Variants in VPS54 observed in about 807,000 individuals in gnomAD.
The protein encoded by VPS54 is vacuolar protein sorting-associated protein 54.
VPS54 carries 45 observed loss-of-function variants against 121.5 expected under a neutral mutation model. That is an observed-to-expected ratio of 0.37 (90% CI 0.29 to 0.47). VPS54 has a LOEUF of 0.47. Among genes scored for constraint, VPS54 ranks in the 20% least tolerant of loss-of-function variants. The probability of loss-of-function intolerance (pLI) is 0.99; values close to 1 mark genes in which losing one functional copy is unlikely to be tolerated. For missense variants in VPS54, 1,090 were observed against 1,131.4 expected, an observed-to-expected ratio of 0.96 and a Z score of 0.52; for synonymous variants, 371 against 385.8, an observed-to-expected ratio of 0.96 and a Z score of 0.45.
chr2:63,933,777 C>A lies in VPS54; in HGVS notation c.1635G>T (p.Glu545Asp). The A allele has an allele frequency of 2.5e-6, 4 of 1,613,874 alleles. No homozygotes were observed. The highest frequency in any genetic ancestry group is 1.1e-5 in the South Asian group (1 of 91,074). ...TSQRNASPNSEPCSSDSVSEP... is the reference protein window; with the variant it reads ...TSQRNASPNSDPCSSDSVSEP... ...CGGATACAGAATCACTGCTGCAGGG[C>A]TCACTATTTGGAGATGCATTTCTTT... The change falls in exon 12 of 23, where the codon GAG (glutamate) becomes GAT (aspartate). Residue 545 changes from glutamate to aspartate, a missense_variant. This residue lies in a region of VPS54 where 801 missense variants were observed against 757.0 expected (regional missense o/e 1.06). Coordinates refer to ENST00000272322, the MANE Select transcript of VPS54 (RefSeq NM_016516.3).
At chr2:63,894,088 C>T (rs548078006) in intron 22 of VPS54, among the ~76,000 whole-genome samples, 2 of 152,182 alleles carry the variant, frequency 1.3e-5, no homozygotes, top group South Asian at 2.1e-4. Context: ...AAATGGTAAA[C>T]GTCAGGAAAA....
At chr2:63,967,244 T>C (rs945241105) in intron 5 of VPS54, among the ~76,000 whole-genome samples, 4 of 152,202 alleles carry the variant, frequency 2.6e-5, no homozygotes, top group Admixed American at 2.0e-4. Flanking sequence ...GAAAAAAATC[T>C]AACTAGAGAC....
chr2:63,997,065 CTTTA>C (rs1465188671), intron 1 of VPS54, among the ~76,000 whole-genome samples: 3 of 152,154 alleles, frequency 2.0e-5, no homozygotes, highest in Non-Finnish European at 4.4e-5. Flanking sequence ...TACTATTTCC[CTTTA>C]TTTCTCAGAC....
At chr2:63,915,262 G>T (rs1366347144) in intron 16 of VPS54, among the ~76,000 whole-genome samples, 2 of 149,334 alleles carry the variant, frequency 1.3e-5, no homozygotes, top group Non-Finnish European at 3.0e-5. Flanking sequence ...AGTTAAAGAA[G>T]ATTGAAATTA....
intron 7 of VPS54, among the ~76,000 whole-genome samples, chr2:63,949,551 T>A (rs1195113082): frequency 6.6e-6 from 1 of 152,146 alleles, no homozygotes; most frequent in Admixed American, 6.5e-5. Context: ...ATTCTTACAA[T>A]AAAGCTAGAG....
intron 20 of VPS54, among the ~76,000 whole-genome samples, chr2:63,904,083 G>T (rs1337486178): frequency 6.6e-6 from 1 of 152,006 alleles, no homozygotes; most frequent in African/African-American, 2.4e-5. Flanking sequence ...CAAAAAAATT[G>T]GAATGGTTAC....
At chr2:64,000,988 G>T (rs573137873) in intron 1 of VPS54, among the ~76,000 whole-genome samples, 2 of 152,346 alleles carry the variant, frequency 1.3e-5, no homozygotes, top group African/African-American at 4.8e-5. Flanking sequence ...AAGTCCTCAT[G>T]TAAGTCCAGA....
At position 63,962,186 on chromosome 2, in the gene VPS54, G is replaced by A; in HGVS notation, c.882C>T (p.Ala294=). The A allele has an allele frequency of 1.2e-6, 2 of 1,613,906 alleles. No homozygotes were observed. The highest frequency in any genetic ancestry group is 1.7e-6 in the Non-Finnish European group (2 of 1,179,864). Residue 294 remains alanine (A), a synonymous_variant, in exon 7 of 23, where the codon GCC becomes GCT. Transcript: ENST00000272322. ...CTGTAGGCTGAGTCTGGTGTACAGT[G>A]GCCATTAACTTCAGCTTATTGTATA... ...VKVYNKLKLM[A]TVHQTQPTVQ... is the part of the protein sequence containing the mutation.
chr2:63,955,661 C>G (rs760079171), intron 7 of VPS54, among the ~76,000 whole-genome samples: 4 of 151,856 alleles, frequency 2.6e-5, no homozygotes, highest in Non-Finnish European at 5.9e-5. Context: ...ATACTAACAC[C>G]AAACAGTACT....
chr2:63,922,208 A>G (rs1409812328), intron 12 of VPS54, among the ~76,000 whole-genome samples: 1 of 152,170 alleles, frequency 6.6e-6, no homozygotes, highest in Non-Finnish European at 1.5e-5. Context: ...GGAATGTAAA[A>G]CTTTCTATTT....
chr2:63,894,958 G>C (rs1672383804), intron 22 of VPS54, among the ~76,000 whole-genome samples: 1 of 152,176 alleles, frequency 6.6e-6, no homozygotes, highest in Non-Finnish European at 1.5e-5. Flanking sequence ...AAGGGAATCG[G>C]ACTGCAGATG....
At chr2:63,913,125 G>A (rs1278328097) in intron 18 of VPS54, 98 bp downstream of exon 18, 2 of 971,794 alleles carry the variant, frequency 2.1e-6, no homozygotes, top group South Asian at 2.0e-5. Flanking sequence ...TGCCACTTTG[G>A]TTAGAGCCAT....
chr2:63,975,777 C>T (rs1366194555), intron 3 of VPS54, among the ~76,000 whole-genome samples: 1 of 152,224 alleles, frequency 6.6e-6, no homozygotes, highest in African/African-American at 2.4e-5. Flanking sequence ...ACACAGCCAG[C>T]TCTGTGTGGA....
intron 2 of VPS54, among the ~76,000 whole-genome samples, chr2:63,983,568 G>A (rs1305094702): frequency 3.3e-5 from 5 of 150,086 alleles, no homozygotes; most frequent in African/African-American, 1.2e-4. Flanking sequence ...TCAGCCTCCA[G>A]AGTAGCTGAG....
intron 12 of VPS54, among the ~76,000 whole-genome samples, chr2:63,932,015 G>A (rs1674232618): frequency 6.6e-6 from 1 of 152,230 alleles, no homozygotes. Context: ...AACAGATGCT[G>A]GAGAGGATGT....
chr2:63,949,720 T>TGGAAGTGGAGGCAGAAGAGGC (rs1675150902), intron 7 of VPS54, among the ~76,000 whole-genome samples: 3 of 151,452 alleles, frequency 2.0e-5, no homozygotes, highest in Non-Finnish European at 4.4e-5. Context: ...GCAGAGGAGG[T>TGGAAGTGGAGGCAGAAGAGGC]GGAAGTGGAG....
At chr2:63,981,251 T>C (rs1048252285) in intron 3 of VPS54, among the ~76,000 whole-genome samples, 1 of 152,244 alleles carries the variant, frequency 6.6e-6, no homozygotes, top group African/African-American at 2.4e-5. Context: ...GGAGATATTA[T>C]AACTATCTGC....
chr2:64,002,525 A>C (rs1401664544), intron 1 of VPS54, among the ~76,000 whole-genome samples: 1 of 152,234 alleles, frequency 6.6e-6, no homozygotes, highest in Non-Finnish European at 1.5e-5. Context: ...ATGTCAGATA[A>C]ATTAGATATT....
intron 7 of VPS54, among the ~76,000 whole-genome samples, chr2:63,950,363 A>G (rs2104530654): frequency 6.6e-6 from 1 of 151,892 alleles, no homozygotes; most frequent in East Asian, 1.9e-4. Context: ...GGTACTTATG[A>G]CTCTCTGATC....
Sources: allele counts gnomAD v4.1 joint callset (sites outside exome capture counted in the v4.1 genomes callset), GRCh38; gene constraint gnomAD v4.1.1; regional missense constraint gnomAD v4.1.1; transcripts MANE v1.5; gene names NCBI Gene and HGNC (gene_info 2026-07-23, HGNC 2026-07-21).